ME3: variants seen among roughly 807,000 people sequenced by gnomAD.
ME3 encodes the protein NADP-dependent malic enzyme, mitochondrial.
ME3 carries 48 observed loss-of-function variants against 68.9 expected under a neutral mutation model. That is an observed-to-expected ratio of 0.70 (90% confidence interval 0.55 to 0.89). The LOEUF is 0.89. ME3 is among the 40% of genes least tolerant of loss of function. ME3 has a pLI of 0.00. For synonymous variants in ME3, 320 were observed against 318.8 expected (o/e 1.00, Z -0.04); for missense variants, 675 against 797.4 (o/e 0.85, Z 1.85).
intron 5 of ME3, among the ~76,000 whole-genome samples, chr11:86,504,597 T>C (rs998592294): frequency 6.6e-6 from 1 of 152,088 alleles, no homozygotes; most frequent in Non-Finnish European, 1.5e-5. Context: ...TTTTACCATG[T>C]TGGCCAGGCT....
chr11:86,448,274 A>C lies in ME3; in HGVS notation c.1132-19T>G. 1 of 1,590,596 alleles carries C rather than the reference A, an allele frequency of 6.3e-7. No homozygotes were observed. The highest frequency in any genetic ancestry group is 2.2e-5 in the East Asian group (1 of 44,764). The stretch of plus-strand genomic sequence containing the variant: ...TCCTCCCCTACAGGAAAAGGAACAC[A>C]GAGCAGTTGTGGTCGTGATGGCCTG... On this transcript the variant is annotated intron_variant, in intron 10 of 14. Transcript: ENST00000543262.
intron 2 of ME3, among the ~76,000 whole-genome samples, chr11:86,668,452 T>C (rs1219755941): frequency 4.6e-5 from 7 of 152,214 alleles, no homozygotes; most frequent in Non-Finnish European, 1.0e-4. Flanking sequence ...TCATGTCTCA[T>C]AGTTTGTAAC....
intron 2 of ME3, among the ~76,000 whole-genome samples, chr11:86,614,561 C>G (rs570138871): frequency 1.3e-5 from 2 of 152,122 alleles, no homozygotes; most frequent in Admixed American, 1.3e-4. Context: ...GCAGGCATAA[C>G]CTTCTCTGAG....
chr11:86,450,357 G>C, exon 9 of ME3: 1 of 1,613,988 alleles, frequency 6.2e-7, no homozygotes. Context: ...TTGGTGATTC[G>C]CAGAGCAGCC....
chr11:86,435,291 G>A, the ME3 span: 1 of 152,068 alleles, frequency 6.6e-6, no homozygotes, highest in Non-Finnish European at 1.5e-5. Flanking sequence ...AGTAGGTCAT[G>A]GCAGCCTAAA....
At chr11:86,560,746 G>GTATATATATATATATA (rs1456434091) in intron 2 of ME3, among the ~76,000 whole-genome samples, 46 of 90,266 alleles carry the variant, frequency 5.1e-4, no homozygotes, top group African/African-American at 2.2e-3. Flanking sequence ...GTGTGTGTGT[G>GTATATATATATATATA]TGTATATATA....
intron 4 of ME3, among the ~76,000 whole-genome samples, chr11:86,537,662 A>G (rs769158267): frequency 2.0e-5 from 3 of 152,220 alleles, no homozygotes; most frequent in Non-Finnish European, 4.4e-5. Context: ...TTCCCATGTC[A>G]GGCTTGCTGA....
chr11:86,444,157 A>G (rs960698033), intron 13 of ME3, among the ~76,000 whole-genome samples: 1 of 152,234 alleles, frequency 6.6e-6, no homozygotes, highest in African/African-American at 2.4e-5. Context: ...TACCATGTAT[A>G]GGAAAGGCTT....
At chr11:86,624,014 A>G (rs1943507939) in intron 2 of ME3, among the ~76,000 whole-genome samples, 1 of 152,202 alleles carries the variant, frequency 6.6e-6, no homozygotes, top group African/African-American at 2.4e-5. Flanking sequence ...GTATCCACCT[A>G]ACTCAAGCTG....
intron 5 of ME3, among the ~76,000 whole-genome samples, chr11:86,499,273 G>C (rs940388806): frequency 7.9e-5 from 12 of 152,266 alleles, no homozygotes; most frequent in African/African-American, 2.9e-4. Flanking sequence ...AGTCAGGCAG[G>C]AGTCAGACTG....
chr11:86,648,495 T>C (rs574112577), intron 2 of ME3, among the ~76,000 whole-genome samples: 52 of 119,558 alleles, frequency 4.3e-4, no homozygotes, highest in South Asian at 3.3e-3. Flanking sequence ...CTGAAGGAGA[T>C]AGAGACACAA....
intron 4 of ME3, among the ~76,000 whole-genome samples, chr11:86,549,530 C>T (rs1245129457): frequency 1.3e-5 from 2 of 152,190 alleles, no homozygotes; most frequent in Non-Finnish European, 2.9e-5. Context: ...ATTTCAAATT[C>T]CTGAAAAGGA....
intron 14 of ME3, among the ~76,000 whole-genome samples, chr11:86,441,710 C>T (rs1165999069): frequency 6.6e-6 from 1 of 152,176 alleles, no homozygotes; most frequent in East Asian, 1.9e-4. Context: ...GTCCTCAGAG[C>T]TGATATTATC....
At chr11:86,473,810 A>G (rs1273228632) in intron 7 of ME3, among the ~76,000 whole-genome samples, 2 of 152,194 alleles carry the variant, frequency 1.3e-5, no homozygotes, top group Non-Finnish European at 2.9e-5. Context: ...GATTGGAGAA[A>G]GAGGGAATAC....
intron 2 of ME3, among the ~76,000 whole-genome samples, chr11:86,604,175 A>G (rs534841946): frequency 1.3e-5 from 2 of 152,102 alleles, no homozygotes; most frequent in Non-Finnish European, 2.9e-5. Flanking sequence ...TAGAGACCAA[A>G]GTTTCATCAT....
chr11:86,591,316 G>C (rs1330362614), intron 2 of ME3, among the ~76,000 whole-genome samples: 2 of 152,216 alleles, frequency 1.3e-5, no homozygotes, highest in Admixed American at 1.3e-4. Context: ...AAATTCATGA[G>C]ATGAAGTGCT....
intron 2 of ME3, among the ~76,000 whole-genome samples, chr11:86,647,634 C>A (rs1451693625): frequency 1.3e-5 from 2 of 151,470 alleles, no homozygotes; most frequent in African/African-American, 4.9e-5. Context: ...AGACTTTAAA[C>A]CAACAAAGAT....
At chr11:86,614,388 T>C (rs760512296) in intron 2 of ME3, among the ~76,000 whole-genome samples, 7 of 152,190 alleles carry the variant, frequency 4.6e-5, no homozygotes, top group Non-Finnish European at 7.4e-5. Context: ...CACTCTTGAA[T>C]TGATCTGATT....
intron 8 of ME3, among the ~76,000 whole-genome samples, chr11:86,460,800 A>G (rs1402436584): frequency 1.3e-5 from 2 of 152,096 alleles, no homozygotes; most frequent in South Asian, 2.1e-4. Context: ...ATTGCTCCTT[A>G]CTTTGTATTT....
Sources: gnomAD v4.1 joint callset for allele counts (sites outside exome capture counted in the v4.1 genomes callset) on GRCh38, gnomAD v4.1.1 for gene constraint, MANE v1.5 for transcripts, NCBI Gene and HGNC (gene_info 2026-07-23, HGNC 2026-07-21) for gene names.